The following FAM133B variants were observed in gnomAD, a reference collection of about 807,000 sequenced individuals.
FAM133B encodes family with sequence similarity 133 member B, also known as protein FAM133B.
Under a neutral mutation model 46.4 loss-of-function variants are expected in FAM133B, and 25 were observed. The observed-to-expected ratio is 0.54, with a 90% CI of 0.39 to 0.75. The LOEUF (loss-of-function observed/expected upper bound fraction) is 0.75, where lower values mean the gene tolerates loss of function less well. FAM133B is among the 30% of genes least tolerant of loss of function. The probability of loss-of-function intolerance (pLI) is 0.00; values close to 1 mark genes in which losing one functional copy is unlikely to be tolerated. For missense variants in FAM133B, 205 were observed against 277.6 expected (o/e 0.74, Z 1.86); for synonymous variants, 75 against 86.0 (o/e 0.87, Z 0.71).
intron 10 of FAM133B, among the ~76,000 whole-genome samples, chr7:92,565,151 T>C (rs1010426590): frequency 5.2e-5 from 4 of 76,614 alleles, no homozygotes; most frequent in Non-Finnish European, 9.9e-5. Flanking sequence ...TTATATTTCT[T>C]TTTTTTTTTT....
rs562401231 is a variant in FAM133B, at chr7:92,567,770, ATT to A, written c.610-1711_610-1710del. The stretch of plus-strand genomic sequence containing the variant: ...ATCTGTTTACAATACAGAAACTAAA[ATT>A]TTTTTTTTTTTGACAAAGTCTCGCT... On this transcript the variant is annotated intron_variant, in intron 9 of 10. Coordinates refer to ENST00000445716, the MANE Select transcript of FAM133B (RefSeq NM_152789.4). 4.1e-5 allele frequency among the ~76,000 whole-genome samples: 6 copies of A among 147,340 alleles called. No individual in the cohort carries two copies. In the East Asian group the frequency reaches 9.9e-4, roughly 24 times the overall value.
intron 1 of FAM133B, among the ~76,000 whole-genome samples, chr7:92,582,989 G>T (rs752465041): frequency 6.6e-6 from 1 of 152,112 alleles, no homozygotes; most frequent in Admixed American, 6.5e-5. Context: ...ACACCCAAAA[G>T]AATTCAAAGA....
intron 3 of FAM133B, among the ~76,000 whole-genome samples, chr7:92,579,002 A>G (rs1284646571): frequency 6.6e-6 from 1 of 152,210 alleles, no homozygotes; most frequent in African/African-American, 2.4e-5. Context: ...TCTAAGTCTT[A>G]GATGACTTAC....
chr7:92,582,304 T>TAACATAACATAACTAACATAA, intron 1 of FAM133B, among the ~76,000 whole-genome samples: 1 of 143,618 alleles, frequency 7.0e-6, no homozygotes, highest in African/African-American at 2.6e-5. Context: ...ATAACATAAA[T>TAACATAACATAACTAACATAA]AACATAAAAT....
rs1411781534 is a variant in FAM133B, at chr7:92,560,819, A to AAT, written c.*1462_*1463insAT. On this transcript the variant is annotated 3_prime_UTR_variant, in exon 11 of 11. Transcript: ENST00000445716. Reference sequence around the variant, plus strand: ...TTTTAAGTAAAATAGCTATTTATTCAGCCTGTTGTCATGCCAACATGTTCT... The same window carrying AAT: ...TTTTAAGTAAAATAGCTATTTATTCAATGCCTGTTGTCATGCCAACATGTTCT... 6.6e-6 allele frequency: 1 copy of AAT among 152,486 alleles called. No homozygotes were observed. Among genetic ancestry groups the AAT allele is most frequent in the Non-Finnish European group, 1.5e-5 (1 of 68,036 alleles). 9.4% of individuals were successfully genotyped at this position (152,486 alleles called of 1,614,324 possible).
intron 8 of FAM133B, among the ~76,000 whole-genome samples, chr7:92,570,559 T>C (rs1380892895): frequency 6.6e-6 from 1 of 152,136 alleles, no homozygotes; most frequent in Non-Finnish European, 1.5e-5. Context: ...GCATAGTGGA[T>C]ATGCTGGTTA....
chr7:92,584,648 A>AT (rs1290415402), intron 1 of FAM133B, among the ~76,000 whole-genome samples: 3 of 152,226 alleles, frequency 2.0e-5, no homozygotes, highest in Admixed American at 6.5e-5. Flanking sequence ...ATATTGTTAT[A>AT]TTTTTTGTAT....
Position 92,581,545 on chromosome 7 carries a change from G to A in FAM133B, c.83C>T (p.Pro28Leu), listed in dbSNP as rs764562352. 1 of 1,613,800 alleles carries A rather than the reference G, an allele frequency of 6.2e-7. No individual in the cohort carries two copies. Among genetic ancestry groups the A allele is most frequent in the East Asian group, 2.2e-5 (1 of 44,858 alleles). ...TCGATTCAGATAATCCTGTATTGTT[G>A]GCCCTGAAGACTGGATTGGACCCCT... ...RSRGPIQSSG[P>L]TIQDYLNRPR... The change falls in exon 2 of 11, where the codon CCA becomes CTA. Residue 28 changes from proline to leucine, a missense_variant. Pro to Leu is a moderately conservative substitution (Grantham distance 98). Transcript: ENST00000445716.
chr7:92,568,824 A>G (rs921966720), intron 9 of FAM133B, among the ~76,000 whole-genome samples: 13 of 151,982 alleles, frequency 8.6e-5, no homozygotes, highest in African/African-American at 2.9e-4. Context: ...GCAGCCTCAA[A>G]CTCCAGGGCT....
chr7:92,576,861 GA>G (rs1315695898), intron 7 of FAM133B, among the ~76,000 whole-genome samples: 4 of 152,010 alleles, frequency 2.6e-5, no homozygotes, highest in African/African-American at 9.7e-5. Context: ...ACTTCTTTAT[GA>G]AAACAGGGAC....
chr7:92,579,407 G>A lies in FAM133B; in HGVS notation c.123-12C>T. 6.3e-7 allele frequency: 1 copy of A among 1,579,986 alleles called. No individual in the cohort carries two copies. Among genetic ancestry groups the A allele is most frequent in the Non-Finnish European group, 8.6e-7 (1 of 1,161,750 alleles). On this transcript the variant is annotated splice_polypyrimidine_tract_variant and intron_variant, in intron 2 of 10. Transcript: ENST00000445716. ...CTTTTACTTCTTCCCTTAAAAAATA[G>A]AATGTACAAACAAAATTTCAAGCAA...
chr7:92,587,696 T>C (rs1460305982), intron 1 of FAM133B, among the ~76,000 whole-genome samples: 6 of 152,158 alleles, frequency 3.9e-5, no homozygotes, highest in Non-Finnish European at 7.4e-5. Flanking sequence ...ATGGCGACAC[T>C]GCACTCCAGC....
intron 1 of FAM133B, 115 bp from the exon 2 acceptor site, chr7:92,581,718 C>A: frequency 1.4e-6 from 1 of 735,026 alleles, no homozygotes; most frequent in Non-Finnish European, 2.3e-6. Context: ...TAAGTATATG[C>A]AATCTGACTA....
intron 10 of FAM133B, 198 bp downstream of exon 10, chr7:92,565,816 C>CT: frequency 3.4e-6 from 2 of 593,970 alleles, no homozygotes; most frequent in South Asian, 4.3e-5. Context: ...GACATGCTTG[C>CT]TACCAGGGTA....
intron 8 of FAM133B, among the ~76,000 whole-genome samples, chr7:92,574,680 T>C (rs900802060): frequency 3.0e-5 from 4 of 133,530 alleles, no homozygotes; most frequent in African/African-American, 1.2e-4. Flanking sequence ...CCGAGGCGGG[T>C]GGATCATGAG....
chr7:92,566,330 AC>A (rs957462951), intron 9 of FAM133B, among the ~76,000 whole-genome samples: 1 of 152,182 alleles, frequency 6.6e-6, no homozygotes, highest in Non-Finnish European at 1.5e-5. Flanking sequence ...GTGGAAAAAA[AC>A]ATCAGCTTTA....
At chr7:92,582,651 A>G (rs1794923974) in intron 1 of FAM133B, among the ~76,000 whole-genome samples, 1 of 152,164 alleles carries the variant, frequency 6.6e-6, no homozygotes, top group Non-Finnish European at 1.5e-5. Context: ...CAACAAAAAA[A>G]CTCCAAGTAA....
intron 1 of FAM133B, 95 bp downstream of exon 1, chr7:92,590,173 G>A (rs2116436051): frequency 6.3e-7 from 1 of 1,596,016 alleles, no homozygotes; most frequent in Non-Finnish European, 8.6e-7. Context: ...GAGGGCTGCC[G>A]CTTGCCCTCC....
chr7:92,582,288 C>CATAACATAACATAACATAAATAACATAAA (rs1794905912), intron 1 of FAM133B, among the ~76,000 whole-genome samples: 1 of 137,442 alleles, frequency 7.3e-6, no homozygotes, highest in Admixed American at 7.1e-5. Flanking sequence ...CATAACATAA[C>CATAACATAACATAACATAAATAACATAAA]ATAACATAAC....
Sources: gnomAD v4.1 joint callset for allele counts (sites outside exome capture counted in the v4.1 genomes callset) on GRCh38, gnomAD v4.1.1 for gene constraint, MANE v1.5 for transcripts, NCBI Gene and HGNC (gene_info 2026-07-23, HGNC 2026-07-21) for gene names.